Variants in KLHL2 observed in about 807,000 individuals in gnomAD.
KLHL2 encodes kelch like family member 2.
KLHL2 carries 15 observed loss-of-function variants against 75.8 expected under a neutral mutation model. The observed-to-expected ratio is 0.20, with a 90% CI of 0.13 to 0.30. The LOEUF is 0.30. KLHL2 is among the 10% of genes least tolerant of loss of function. The pLI is 1.00. For missense variants in KLHL2, 381 were observed against 741.0 expected, an observed-to-expected ratio of 0.51 and a Z score of 5.64; for synonymous variants, 214 against 251.9, an observed-to-expected ratio of 0.85 and a Z score of 1.42.
chr4:165,239,264 CTTT>C (rs60521648), intron 4 of KLHL2, among the ~76,000 whole-genome samples: 20 of 134,812 alleles, frequency 1.5e-4, no homozygotes, highest in East Asian at 2.1e-4. Context: ...TTATTTCTGT[CTTT>C]TTTTTTTTTT....
At chr4:165,222,953 A>G (rs1331320595) in intron 2 of KLHL2, among the ~76,000 whole-genome samples, 1 of 152,274 alleles carries the variant, frequency 6.6e-6, no homozygotes, top group African/African-American at 2.4e-5. Flanking sequence ...ACTTTCAATT[A>G]TGGCTGATGT....
chr4:165,297,501 T>C, intron 6 of KLHL2, 108 bp from the exon 7 acceptor site: 1 of 683,900 alleles, frequency 1.5e-6, no homozygotes, highest in Non-Finnish European at 2.7e-6. Flanking sequence ...TGAATTAAAC[T>C]TGGATGTCTT....
intron 2 of KLHL2, among the ~76,000 whole-genome samples, chr4:165,224,355 T>C (rs1738259004): frequency 6.6e-6 from 1 of 152,226 alleles, no homozygotes; most frequent in Non-Finnish European, 1.5e-5. Flanking sequence ...GTAAGTTTGA[T>C]CCTTAATATT....
intron 4 of KLHL2, among the ~76,000 whole-genome samples, chr4:165,249,069 A>G (rs1435086239): frequency 1.3e-5 from 2 of 152,230 alleles, no homozygotes; most frequent in Non-Finnish European, 2.9e-5. Context: ...TCCAGAAAGT[A>G]TACTTTGTTT....
At chr4:165,305,750 T>C (rs1745680642) in intron 9 of KLHL2, 25 bp downstream of exon 9, 2 of 1,449,964 alleles carry the variant, frequency 1.4e-6, no homozygotes, top group East Asian at 4.5e-5. Flanking sequence ...TCATGGTCAA[T>C]TCTCTACTCC....
In KLHL2 at chr4:165,220,006, A is replaced by G. The variant is rs774352672; in HGVS notation, c.99A>G (p.Thr33=). ...DDNTEKHCPV[T]VNPWHMKKAF... ...ATACCGAAAAACACTGCCCAGTGAC[A>G]GTGAATCCTTGGCATATGAAGAAAG... Residue 33 remains threonine (T), a synonymous_variant, in exon 2 of 15, where the codon ACA becomes ACG. Coordinates refer to ENST00000226725, the MANE Select transcript of KLHL2 (RefSeq NM_007246.4). 3.1e-6 allele frequency: 5 copies of G among 1,613,616 alleles called. No individual in the cohort carries two copies. The South Asian group carries it at 4.4e-5, about 14-fold the overall frequency.
At chr4:165,238,971 A>T in intron 4 of KLHL2, 72 bp downstream of exon 4, 1 of 1,532,348 alleles carries the variant, frequency 6.5e-7, no homozygotes. Flanking sequence ...GCACACCCAC[A>T]CAGTATACAA....
chr4:165,224,534 G>A (rs904389593), intron 2 of KLHL2, among the ~76,000 whole-genome samples: 2 of 152,066 alleles, frequency 1.3e-5, no homozygotes, highest in Non-Finnish European at 2.9e-5. Context: ...TAAAGGAATG[G>A]TTATTGTGTT....
chr4:165,216,214 A>G (rs1431343446), intron 1 of KLHL2, among the ~76,000 whole-genome samples: 2 of 152,192 alleles, frequency 1.3e-5, no homozygotes, highest in Non-Finnish European at 2.9e-5. Flanking sequence ...ATTCTTAGGC[A>G]GAGTCAGAAA....
chr4:165,267,173 AC>A (rs1244778016), intron 5 of KLHL2, among the ~76,000 whole-genome samples: 2 of 152,134 alleles, frequency 1.3e-5, no homozygotes, highest in Admixed American at 1.3e-4. Flanking sequence ...GTATCCTGAG[AC>A]TTTGCTGAAG....
Position 165,294,488 on chromosome 4 carries a change from C to A in KLHL2, c.654+20C>A. The A allele has an allele frequency of 1.5e-6, 2 of 1,361,268 alleles. No individual in the cohort carries two copies. The highest frequency in any genetic ancestry group is 1.2e-5 in the South Asian group (1 of 82,420). The allele number at this position is 1,361,268 out of a possible 1,614,324, so 84.3% of individuals were successfully genotyped here. On this transcript the variant is annotated intron_variant, in intron 6 of 14. Coordinates refer to ENST00000226725, the MANE Select transcript of KLHL2 (RefSeq NM_007246.4). ...GAGAAGGTAAGGATATTTTTCTTTT[C>A]CCAGTGTGCAATGATGTTTCCCTTT...
intron 8 of KLHL2, among the ~76,000 whole-genome samples, chr4:165,304,694 T>C (rs959330553): frequency 6.6e-6 from 1 of 152,232 alleles, no homozygotes; most frequent in African/African-American, 2.4e-5. Flanking sequence ...AAGCTTTCAC[T>C]AAATTACGGC....
chr4:165,260,117 C>T (rs1037431869), intron 4 of KLHL2, among the ~76,000 whole-genome samples: 1 of 152,114 alleles, frequency 6.6e-6, no homozygotes, highest in African/African-American at 2.4e-5. Flanking sequence ...CACCAGGCGT[C>T]ATGTTAGCAA....
chr4:165,208,535 T>A (rs960781786), intron 1 of KLHL2: 2 of 152,186 alleles, frequency 1.3e-5, no homozygotes, highest in African/African-American at 4.8e-5. Context: ...GGCACAGGTG[T>A]CTTTTTTCTT....
chr4:165,265,336 C>G (rs1275369408), intron 5 of KLHL2, among the ~76,000 whole-genome samples: 2 of 152,004 alleles, frequency 1.3e-5, no homozygotes, highest in Non-Finnish European at 2.9e-5. Context: ...TGTGTGTTTA[C>G]TCTGGTGATT....
At chr4:165,305,213 A>G (rs1194143472) in intron 8 of KLHL2, among the ~76,000 whole-genome samples, 4 of 151,898 alleles carry the variant, frequency 2.6e-5, no homozygotes, top group Admixed American at 2.6e-4. Flanking sequence ...TTTCATTTCT[A>G]TCTTCTCTCC....
chr4:165,294,609 A>G (rs1744771431), intron 6 of KLHL2, 141 bp downstream of exon 6: 1 of 488,130 alleles, frequency 2.0e-6, no homozygotes, highest in African/African-American at 1.9e-5. Context: ...AAACTCAGCT[A>G]GTTACTTCAG....
chr4:165,284,358 G>C (rs1273275770), intron 5 of KLHL2, among the ~76,000 whole-genome samples: 1 of 152,082 alleles, frequency 6.6e-6, no homozygotes, highest in East Asian at 1.9e-4. Flanking sequence ...GCTTTGCTTA[G>C]AAATTTCTTC....
chr4:165,244,707 G>C (rs1378721411), intron 4 of KLHL2, among the ~76,000 whole-genome samples: 1 of 152,162 alleles, frequency 6.6e-6, no homozygotes, highest in East Asian at 1.9e-4. Context: ...CTTAGACTGG[G>C]TTTGGATCTT....
Sources: allele counts gnomAD v4.1 joint callset (sites outside exome capture counted in the v4.1 genomes callset), GRCh38; gene constraint gnomAD v4.1.1; transcripts MANE v1.5; gene names NCBI Gene and HGNC (gene_info 2026-07-23, HGNC 2026-07-21).